Variants in PRKN observed in about 807,000 individuals in gnomAD.
PRKN encodes E3 ubiquitin-protein ligase parkin.
A neutral mutation model predicts 59.5 loss-of-function variants in PRKN; 56 were observed. The observed-to-expected ratio is 0.94, with a 90% CI of 0.76 to 1.18. PRKN has a LOEUF of 1.18. Among genes scored for constraint, PRKN ranks in the 50% most tolerant of loss-of-function variants. The pLI is 0.00. For synonymous variants in PRKN, 250 were observed against 222.1 expected (o/e 1.13, Z -1.12); for missense variants, 657 against 596.4 (o/e 1.10, Z -1.06).
intron 1 of PRKN, among the ~76,000 whole-genome samples, chr6:162,651,266 G>C (rs1778421351): frequency 6.6e-6 from 1 of 152,136 alleles, no homozygotes; most frequent in Non-Finnish European, 1.5e-5. Context: ...AAATGACACT[G>C]CCACTGACTA....
chr6:161,668,167 TA>T (rs1784787186), intron 7 of PRKN, among the ~76,000 whole-genome samples: 1 of 150,830 alleles, frequency 6.6e-6, no homozygotes, highest in Admixed American at 6.7e-5. Context: ...TGACACTTAC[TA>T]AAATGTAACA....
At chr6:162,692,164 AAG>A (rs1185635479) in intron 1 of PRKN, among the ~76,000 whole-genome samples, 1 of 103,530 alleles carries the variant, frequency 9.7e-6, no homozygotes, top group Non-Finnish European at 1.9e-5. Flanking sequence ...ATAAAAAAAA[AAG>A]ATTAGAAAAT....
intron 6 of PRKN, among the ~76,000 whole-genome samples, chr6:161,838,722 C>T (rs919656224): frequency 2.0e-5 from 3 of 152,336 alleles, no homozygotes; most frequent in Non-Finnish European, 1.5e-5. Context: ...GTGCCACATA[C>T]TGCAGGGAGG....
chr6:161,861,631 AAAC>A (rs1287953737), intron 6 of PRKN, among the ~76,000 whole-genome samples: 1 of 138,816 alleles, frequency 7.2e-6, no homozygotes, highest in Admixed American at 7.2e-5. Context: ...AAAAAAAAAA[AAAC>A]CTTAGAGTCG....
At chr6:162,566,488 T>A (rs1318973192) in intron 1 of PRKN, among the ~76,000 whole-genome samples, 2 of 152,252 alleles carry the variant, frequency 1.3e-5, no homozygotes, top group East Asian at 3.9e-4. Flanking sequence ...GGATCATTAG[T>A]GGCTACTATG....
chr6:162,189,496 T>C (rs531207111), intron 4 of PRKN, among the ~76,000 whole-genome samples: 1 of 150,800 alleles, frequency 6.6e-6, no homozygotes, highest in African/African-American at 2.4e-5. Flanking sequence ...TGGCCTACCA[T>C]TAATTTACTT....
intron 7 of PRKN, among the ~76,000 whole-genome samples, chr6:161,703,995 A>T (rs1383250255): frequency 6.6e-6 from 1 of 151,740 alleles, no homozygotes; most frequent in Admixed American, 6.6e-5. Context: ...ATCTAGGATT[A>T]CAGGCATGCA....
chr6:162,644,426 T>G (rs1313390815), intron 1 of PRKN, among the ~76,000 whole-genome samples: 2 of 152,158 alleles, frequency 1.3e-5, no homozygotes, highest in African/African-American at 4.8e-5. Context: ...ATAGGGCTGG[T>G]GATCACCATC....
At chr6:162,455,391 T>G (rs1361146331) in intron 1 of PRKN, among the ~76,000 whole-genome samples, 1 of 152,218 alleles carries the variant, frequency 6.6e-6, no homozygotes, top group Non-Finnish European at 1.5e-5. Flanking sequence ...CAAACCTAGA[T>G]TATATAGCCT....
At chr6:161,680,729 A>T (rs1785287609) in intron 7 of PRKN, among the ~76,000 whole-genome samples, 1 of 6,382 alleles carries the variant, frequency 1.6e-4, no homozygotes, top group Non-Finnish European at 2.5e-4. Flanking sequence ...TGAAATACAT[A>T]TATATATATA....
At chr6:161,747,676 G>A (rs1335500739) in intron 7 of PRKN, among the ~76,000 whole-genome samples, 1 of 152,202 alleles carries the variant, frequency 6.6e-6, no homozygotes, top group African/African-American at 2.4e-5. Flanking sequence ...CTAATTACTT[G>A]TGGAAGTCCC....
At chr6:162,141,554 G>C (rs1781782054) in intron 4 of PRKN, among the ~76,000 whole-genome samples, 1 of 152,016 alleles carries the variant, frequency 6.6e-6, no homozygotes. Flanking sequence ...TTGCTTTATT[G>C]ATTATGTATT....
intron 7 of PRKN, among the ~76,000 whole-genome samples, chr6:161,752,308 C>G (rs1213883671): frequency 6.6e-6 from 1 of 152,128 alleles, no homozygotes; most frequent in Non-Finnish European, 1.5e-5. Flanking sequence ...GCAGAGGCTG[C>G]AGTGAGCCGA....
chr6:162,320,260 G>A (rs1000964577), intron 2 of PRKN, among the ~76,000 whole-genome samples: 2 of 148,866 alleles, frequency 1.3e-5, no homozygotes, highest in South Asian at 4.2e-4. Flanking sequence ...GAACAGTGCT[G>A]CAATAAACAC....
rs984857604 is a variant in PRKN, at chr6:161,551,965, C to G, written c.934-2962G>C. 1.8e-4 allele frequency among the ~76,000 whole-genome samples: 27 copies of G among 152,006 alleles called. No homozygotes were observed. The highest frequency in any genetic ancestry group is 1.8e-3 in the Admixed American group (27 of 15,252). ...CCATCCTTAGGAAGAGGAGGCCCGG[C>G]TGAGTGCTTAGGCCCAGGTGCAGAC... On this transcript the variant is annotated intron_variant, in intron 8 of 11. Transcript: ENST00000366898. This position sits in a 1 kb window ranked among gnomAD's most constrained non-coding sequence, Gnocchi z 5.2.
rs180924890 is a variant in PRKN, at chr6:161,885,471, T to C, written c.734+87831A>G. On this transcript the variant is annotated intron_variant, in intron 6 of 11. Transcript: ENST00000366898. The stretch of plus-strand genomic sequence containing the variant: ...CGAGGTCAGGAGATAGAGACCATCC[T>C]GGCTAACACAGTGAAACCCCGTCTC... Among the ~76,000 whole-genome samples the C allele has an allele frequency of 4.7e-4, 71 of 152,222 alleles. No homozygotes were observed. In the East Asian group the frequency reaches 8.3e-3, roughly 18 times the overall value.
intron 9 of PRKN, among the ~76,000 whole-genome samples, chr6:161,505,382 T>C (rs1392794805): frequency 6.6e-6 from 1 of 151,154 alleles, no homozygotes; most frequent in Non-Finnish European, 1.5e-5. Flanking sequence ...GTTTGTTTTT[T>C]TCTTGTAAAT....
At chr6:162,506,526 T>C (rs1340881566) in intron 1 of PRKN, among the ~76,000 whole-genome samples, 1 of 152,140 alleles carries the variant, frequency 6.6e-6, no homozygotes, top group East Asian at 1.9e-4. Flanking sequence ...CGATATGGAA[T>C]TGGCAACAGC....
intron 4 of PRKN, among the ~76,000 whole-genome samples, chr6:162,117,345 C>T (rs1338244966): frequency 1.3e-5 from 2 of 152,210 alleles, no homozygotes; most frequent in South Asian, 2.1e-4. Flanking sequence ...GTCTACTAGG[C>T]GTAGGCTTTC....
Sources: allele counts gnomAD v4.1 joint callset (sites outside exome capture counted in the v4.1 genomes callset), GRCh38; gene constraint gnomAD v4.1.1; non-coding constraint Gnocchi (gnomAD v3.1); transcripts MANE v1.5; gene names NCBI Gene and HGNC (gene_info 2026-07-23, HGNC 2026-07-21).